Variants in GALNT11 observed in about 807,000 individuals in gnomAD.
GALNT11 encodes polypeptide N-acetylgalactosaminyltransferase 11.
Under a neutral mutation model 72.7 loss-of-function variants are expected in GALNT11, and 47 were observed. That is an observed-to-expected ratio of 0.65 (90% CI 0.51 to 0.82). The LOEUF (loss-of-function observed/expected upper bound fraction) is 0.82, where lower values mean the gene tolerates loss of function less well. GALNT11 is among the 40% of genes least tolerant of loss of function. GALNT11 has a pLI of 0.00. For synonymous variants in GALNT11, 270 were observed against 286.6 expected (o/e 0.94, Z 0.58); for missense variants, 677 against 778.4 (o/e 0.87, Z 1.55).
At chr7:152,101,373 C>T (rs958549887) in intron 3 of GALNT11, among the ~76,000 whole-genome samples, 13 of 152,064 alleles carry the variant, frequency 8.5e-5, no homozygotes, top group Admixed American at 1.3e-4. Context: ...TGCTACACGC[C>T]GTCTTGAGCC....
At chr7:152,092,224 T>G (rs958852603) in intron 1 of GALNT11, among the ~76,000 whole-genome samples, 5 of 152,246 alleles carry the variant, frequency 3.3e-5, no homozygotes, top group Non-Finnish European at 7.3e-5. Context: ...TTATAATGTC[T>G]GTTTCCCCTA....
chr7:152,055,053 T>C (rs1376554045), intron 1 of GALNT11, among the ~76,000 whole-genome samples: 1 of 152,168 alleles, frequency 6.6e-6, no homozygotes, highest in Non-Finnish European at 1.5e-5. Context: ...CTGTTGCAAT[T>C]TGAGTCCAAA....
intron 8 of GALNT11, among the ~76,000 whole-genome samples, chr7:152,114,266 G>A (rs778838944): frequency 1.5e-4 from 23 of 152,062 alleles, no homozygotes; most frequent in African/African-American, 5.1e-4. Context: ...CATAGCCTTC[G>A]ATCATCTCCC....
chr7:152,054,676 T>C (rs1216464950), intron 1 of GALNT11, among the ~76,000 whole-genome samples: 1 of 150,492 alleles, frequency 6.6e-6, no homozygotes, highest in African/African-American at 2.4e-5. Flanking sequence ...CATGTCTGGC[T>C]AATTTTTTTT....
At chr7:152,110,275 G>A (rs1215157865) in intron 6 of GALNT11, among the ~76,000 whole-genome samples, 1 of 152,134 alleles carries the variant, frequency 6.6e-6, no homozygotes, top group African/African-American at 2.4e-5. Flanking sequence ...CATCAGAAAT[G>A]GTTATAATAG....
intron 1 of GALNT11, among the ~76,000 whole-genome samples, chr7:152,081,388 C>T (rs114075331): frequency 0.012 from 1,759 of 152,296 alleles, 36 homozygotes; most frequent in African/African-American, 0.041. Context: ...ACCCCTCAGG[C>T]TAATCTGATG....
intron 1 of GALNT11, among the ~76,000 whole-genome samples, chr7:152,071,326 C>A (rs2084633675): frequency 6.6e-6 from 1 of 152,176 alleles, no homozygotes. Flanking sequence ...GGCACGTATT[C>A]TCTTTCCCAG....
At chr7:152,056,099 C>A (rs1244220373) in intron 1 of GALNT11, among the ~76,000 whole-genome samples, 6 of 151,994 alleles carry the variant, frequency 3.9e-5, no homozygotes, top group African/African-American at 1.5e-4. Context: ...AGTAAGTAAG[C>A]TTTTAGGATT....
In GALNT11 at chr7:152,094,534, A is replaced by T; in HGVS notation, c.295+12A>T. On this transcript the variant is annotated intron_variant, in intron 2 of 11. Transcript: ENST00000430044. This position sits in a 1 kb window ranked among gnomAD's most constrained non-coding sequence, Gnocchi z 4.3. ...CTCTTCTGAATTAGGTAAGTATATG[A>T]TGTTTACCAGCATCCATATCAATGT... 1 of 1,583,066 alleles carries T rather than the reference A, an allele frequency of 6.3e-7. No homozygotes were observed. Among genetic ancestry groups the T allele is most frequent in the Non-Finnish European group, 8.6e-7 (1 of 1,163,360 alleles).
At position 152,094,821 on chromosome 7, in the gene GALNT11, T is replaced by C. The variant is rs1297681074; in HGVS notation, c.295+299T>C. Among the ~76,000 whole-genome samples, 1 of 152,204 alleles carries C rather than the reference T, an allele frequency of 6.6e-6. No individual in the cohort carries two copies. The highest frequency in any genetic ancestry group is 2.1e-4 in the South Asian group (1 of 4,834). On this transcript the variant is annotated intron_variant, in intron 2 of 11. Coordinates refer to ENST00000430044, the MANE Select transcript of GALNT11 (RefSeq NM_022087.4). The surrounding 1 kb of genome is among the most constrained non-coding windows in gnomAD (Gnocchi z 4.3). ...AAGGGGTTTGTTTTTTGTTTGTTTT[T>C]TTAAGAGATGGGGTCTCACCATATT... is the stretch of plus-strand genomic sequence containing the variant.
intron 1 of GALNT11, among the ~76,000 whole-genome samples, chr7:152,041,366 AG>A: frequency 6.6e-6 from 1 of 152,340 alleles, no homozygotes; most frequent in Non-Finnish European, 1.5e-5. Context: ...TATTTATAAA[AG>A]CTTGCTGTAT....
intron 1 of GALNT11, among the ~76,000 whole-genome samples, chr7:152,075,386 C>T (rs2084897091): frequency 6.6e-6 from 1 of 152,222 alleles, no homozygotes; most frequent in South Asian, 2.1e-4. Flanking sequence ...GACACATAGG[C>T]TCAGTGCTGC....
At chr7:152,073,904 TAA>T (rs1176945721) in intron 1 of GALNT11, among the ~76,000 whole-genome samples, 1 of 152,228 alleles carries the variant, frequency 6.6e-6, no homozygotes, top group Non-Finnish European at 1.5e-5. Flanking sequence ...TGATTTGTGA[TAA>T]GTGAACATTT....
intron 1 of GALNT11, among the ~76,000 whole-genome samples, chr7:152,056,045 T>A (rs1324899185): frequency 6.6e-6 from 1 of 152,162 alleles, no homozygotes; most frequent in Non-Finnish European, 1.5e-5. Flanking sequence ...TCTCTGTTTC[T>A]ATAATTTTGT....
At chr7:152,055,518 AGCGTGT>A (rs1393191140) in intron 1 of GALNT11, among the ~76,000 whole-genome samples, 4 of 110,454 alleles carry the variant, frequency 3.6e-5, no homozygotes, top group East Asian at 5.1e-4. Flanking sequence ...GTATATATAA[AGCGTGT>A]GTGTGTGTGT....
chr7:152,066,769 AAC>A (rs1400276094), intron 1 of GALNT11, among the ~76,000 whole-genome samples: 3 of 152,210 alleles, frequency 2.0e-5, no homozygotes, highest in African/African-American at 7.2e-5. Flanking sequence ...GAGCAGTGAG[AAC>A]ACACACATTT....
chr7:152,078,099 G>T (rs1429614770), intron 1 of GALNT11, among the ~76,000 whole-genome samples: 10 of 151,914 alleles, frequency 6.6e-5, no homozygotes, highest in Admixed American at 6.6e-4. Flanking sequence ...CGTGAGGGGG[G>T]AAGGCTGGAC....
At chr7:152,111,644 A>ATATATATATATATT (rs201303779) in intron 7 of GALNT11, among the ~76,000 whole-genome samples, 1 of 139,210 alleles carries the variant, frequency 7.2e-6, no homozygotes, top group African/African-American at 2.7e-5. Flanking sequence ...ATATATATAT[A>ATATATATATATATT]TTTTTTTAAA....
At chr7:152,032,141 G>A (rs2082332538) in intron 1 of GALNT11, among the ~76,000 whole-genome samples, 1 of 152,192 alleles carries the variant, frequency 6.6e-6, no homozygotes, top group Admixed American at 6.5e-5. Flanking sequence ...CGAACTGGTA[G>A]CCAAAAGTAA....
Sources: gnomAD v4.1 joint callset for allele counts (sites outside exome capture counted in the v4.1 genomes callset) on GRCh38, gnomAD v4.1.1 for gene constraint, Gnocchi (gnomAD v3.1) non-coding constraint, MANE v1.5 for transcripts, NCBI Gene and HGNC (gene_info 2026-07-23, HGNC 2026-07-21) for gene names.